The following AFF3 variants were observed in gnomAD, a reference collection of about 807,000 sequenced individuals.
AFF3 encodes the protein ALF transcription elongation factor 3.
In AFF3, 32 loss-of-function variants were observed where a neutral mutation model predicts 129.7. That is an observed-to-expected ratio of 0.25 (90% CI 0.19 to 0.33). The LOEUF (loss-of-function observed/expected upper bound fraction) is 0.33, where lower values mean the gene tolerates loss of function less well. AFF3 is among the 10% of genes least tolerant of loss of function. The pLI, the probability that AFF3 is intolerant of heterozygous loss-of-function variation, is 1.00. For missense variants in AFF3, 1,373 were observed against 1,592.0 expected (o/e 0.86, Z 2.34); for synonymous variants, 644 against 635.4 (o/e 1.01, Z -0.20).
intron 5 of AFF3, 43 bp downstream of exon 5, chr2:100,008,769 G>C: frequency 6.2e-7 from 1 of 1,600,588 alleles, no homozygotes; most frequent in Non-Finnish European, 8.5e-7. Flanking sequence ...GGGAGTGAGA[G>C]AAACAAGTGA....
chr2:100,100,833 A>AT (rs1690670186), intron 4 of AFF3, among the ~76,000 whole-genome samples: 1 of 152,208 alleles, frequency 6.6e-6, no homozygotes, highest in South Asian at 2.1e-4. Context: ...CTAGCACCTA[A>AT]TCAAAAGCTG....
rs2105047817 is a variant in AFF3 at position 100,040,626 on chromosome 2, C to T, written c.54-31694G>A. ...GCGACCAGGGCTGATGTCAGGTCGC[C>T]TGCCTATGAGAGCAAGGCAGAACCA... On this transcript the variant is annotated intron_variant, in intron 4 of 24. Coordinates refer to ENST00000672756, the MANE Select transcript of AFF3 (RefSeq NM_001386135.1). Among the ~76,000 whole-genome samples, 4 of 152,306 alleles carry T rather than the reference C, an allele frequency of 2.6e-5. No homozygotes were observed. In the Middle Eastern group the frequency reaches 0.01, roughly 389 times the overall value.
intron 7 of AFF3, among the ~76,000 whole-genome samples, chr2:99,873,701 G>C (rs541589774): frequency 2.4e-3 from 357 of 150,498 alleles, no homozygotes; most frequent in Non-Finnish European, 4.3e-3. Context: ...GGTTAATCCA[G>C]GTGTGACAAA....
At chr2:100,093,378 G>A (rs1340740842) in intron 4 of AFF3, among the ~76,000 whole-genome samples, 2 of 150,130 alleles carry the variant, frequency 1.3e-5, no homozygotes, top group Non-Finnish European at 3.0e-5. Context: ...GGGATTACAG[G>A]TGTGATCAGC....
intron 9 of AFF3, among the ~76,000 whole-genome samples, chr2:99,751,929 T>C (rs1044385858): frequency 1.3e-5 from 2 of 152,242 alleles, no homozygotes; most frequent in Non-Finnish European, 2.9e-5. Flanking sequence ...TCACATTGAA[T>C]GTTTAAAATG....
chr2:99,999,358 T>C (rs921087231), intron 7 of AFF3, among the ~76,000 whole-genome samples: 1 of 152,228 alleles, frequency 6.6e-6, no homozygotes, highest in Non-Finnish European at 1.5e-5. Flanking sequence ...AGGCCCAGGA[T>C]TGGTGGGGAG....
At chr2:99,904,987 C>T (rs888410584) in intron 7 of AFF3, among the ~76,000 whole-genome samples, 11 of 152,134 alleles carry the variant, frequency 7.2e-5, no homozygotes, top group African/African-American at 2.4e-4. Context: ...CCAATCTCCC[C>T]ACTGCTGCTC....
chr2:99,829,341 G>GA (rs1173812586), intron 8 of AFF3, among the ~76,000 whole-genome samples: 1 of 152,118 alleles, frequency 6.6e-6, no homozygotes, highest in Non-Finnish European at 1.5e-5. Flanking sequence ...TCATCAGAGT[G>GA]AACAGGCAAC....
chr2:99,849,104 C>G (rs774082221), intron 7 of AFF3, among the ~76,000 whole-genome samples: 5 of 152,016 alleles, frequency 3.3e-5, no homozygotes, highest in African/African-American at 1.2e-4. Context: ...CAGAGAAAAG[C>G]ATGATTCCAC....
intron 7 of AFF3, among the ~76,000 whole-genome samples, chr2:99,848,365 T>C (rs10865033): frequency 0.79 from 119,571 of 152,174 alleles, 47,761 homozygotes; most frequent in South Asian, 0.93. Flanking sequence ...AGAATGCAGA[T>C]ATTCCTGCTT....
chr2:99,695,267 T>C (rs1179245249), intron 11 of AFF3, among the ~76,000 whole-genome samples: 4 of 152,176 alleles, frequency 2.6e-5, no homozygotes, highest in Non-Finnish European at 5.9e-5. Context: ...ACAGCACCAG[T>C]GGCCCTGGCT....
intron 8 of AFF3, among the ~76,000 whole-genome samples, chr2:99,812,500 C>T (rs757401385): frequency 4.6e-5 from 7 of 152,168 alleles, no homozygotes; most frequent in East Asian, 1.9e-4. Context: ...CTCACGTACA[C>T]GGCATCGTCC....
At chr2:100,128,974 A>G (rs923108110) in intron 2 of AFF3, among the ~76,000 whole-genome samples, 3 of 152,056 alleles carry the variant, frequency 2.0e-5, no homozygotes, top group Admixed American at 6.5e-5. Context: ...GTCAGGGCCA[A>G]TGGTCAGGGG....
At chr2:99,961,328 A>G (rs1382253832) in intron 7 of AFF3, among the ~76,000 whole-genome samples, 3 of 152,316 alleles carry the variant, frequency 2.0e-5, no homozygotes, top group Non-Finnish European at 4.4e-5. Context: ...ACAACTGCTG[A>G]AAAACTGTGG....
At chr2:99,654,408 A>T (rs1465904992) in intron 12 of AFF3, among the ~76,000 whole-genome samples, 1 of 152,198 alleles carries the variant, frequency 6.6e-6, no homozygotes, top group Non-Finnish European at 1.5e-5. Context: ...CTTTAAAAAA[A>T]CCTTCAGCTT....
intron 13 of AFF3, among the ~76,000 whole-genome samples, chr2:99,606,644 G>A (rs181943988): frequency 1.0e-3 from 159 of 152,118 alleles, no homozygotes; most frequent in Non-Finnish European, 1.1e-3. Context: ...CAGGACGGGC[G>A]CGGTGGCTCA....
chr2:99,764,467 A>T (rs2105288738), intron 8 of AFF3, among the ~76,000 whole-genome samples: 1 of 152,188 alleles, frequency 6.6e-6, no homozygotes, highest in African/African-American at 2.4e-5. Flanking sequence ...GATGAGAGTC[A>T]CCTGTCTTAT....
At chr2:99,896,537 T>C (rs763028304) in intron 7 of AFF3, among the ~76,000 whole-genome samples, 2 of 150,044 alleles carry the variant, frequency 1.3e-5, no homozygotes, top group Non-Finnish European at 2.9e-5. Context: ...AGTTTCCAGC[T>C]GAAGTGAAGC....
At chr2:100,062,692 C>A (rs1282811396) in intron 4 of AFF3, among the ~76,000 whole-genome samples, 1 of 152,168 alleles carries the variant, frequency 6.6e-6, no homozygotes, top group Non-Finnish European at 1.5e-5. Context: ...AAAGCAAAAG[C>A]AAATACTCTG....
Sources: gnomAD v4.1 joint callset for allele counts (sites outside exome capture counted in the v4.1 genomes callset) on GRCh38, gnomAD v4.1.1 for gene constraint, MANE v1.5 for transcripts, NCBI Gene and HGNC (gene_info 2026-07-23, HGNC 2026-07-21) for gene names.